The following TMEM131 variants were observed in gnomAD, a reference collection of about 807,000 sequenced individuals.
The protein encoded by TMEM131 is transmembrane protein 131, also known as 2610524E03Rik.
TMEM131 carries 66 observed loss-of-function variants against 211.6 expected under a neutral mutation model. That is an observed-to-expected ratio of 0.31 (90% CI 0.26 to 0.38). The LOEUF is 0.38. Among genes scored for constraint, TMEM131 ranks in the 10% least tolerant of loss-of-function variants. TMEM131 has a pLI of 1.00. For missense variants in TMEM131, 2,036 were observed against 2,299.3 expected (o/e 0.89, Z 2.34); for synonymous variants, 844 against 841.3 (o/e 1.00, Z -0.06).
chr2:97,938,282 C>T (rs1677543896), intron 1 of TMEM131, among the ~76,000 whole-genome samples: 1 of 152,042 alleles, frequency 6.6e-6, no homozygotes, highest in African/African-American at 2.4e-5. Context: ...TTCAGGAAAC[C>T]CATCTCACCT....
intron 1 of TMEM131, among the ~76,000 whole-genome samples, chr2:97,952,468 C>T (rs771061439): frequency 9.2e-5 from 14 of 152,148 alleles, no homozygotes; most frequent in Non-Finnish European, 1.9e-4. Flanking sequence ...AAAAATGACA[C>T]ATTACCTATA....
At chr2:97,817,755 T>C (rs1401420554) in intron 12 of TMEM131, among the ~76,000 whole-genome samples, 2 of 152,122 alleles carry the variant, frequency 1.3e-5, no homozygotes, top group Non-Finnish European at 2.9e-5. Flanking sequence ...TCATAAACAC[T>C]GTGTGAAGTG....
At chr2:97,957,514 T>C (rs926767062) in intron 1 of TMEM131, among the ~76,000 whole-genome samples, 1 of 152,154 alleles carries the variant, frequency 6.6e-6, no homozygotes, top group African/African-American at 2.4e-5. Context: ...TGCTGACCAC[T>C]GACTATAAAC....
intron 1 of TMEM131, among the ~76,000 whole-genome samples, chr2:97,980,875 G>A (rs1224755612): frequency 2.0e-5 from 3 of 151,514 alleles, no homozygotes; most frequent in Non-Finnish European, 4.4e-5. Context: ...GAAAATTACA[G>A]TGACACATAA....
At chr2:97,772,456 GGATT>G in intron 32 of TMEM131, 32 bp from the exon 33 acceptor site, 1 of 1,588,432 alleles carries the variant, frequency 6.3e-7, no homozygotes, top group Non-Finnish European at 8.5e-7. Flanking sequence ...TTGCTGAGAA[GGATT>G]AATAAAATGA....
chr2:97,909,046 C>T (rs1249261187), intron 2 of TMEM131, among the ~76,000 whole-genome samples: 1 of 152,136 alleles, frequency 6.6e-6, no homozygotes, highest in African/African-American at 2.4e-5. Flanking sequence ...TGTCATGGAA[C>T]TCAAGGTACA....
At chr2:97,977,831 T>C (rs1008405226) in intron 1 of TMEM131, among the ~76,000 whole-genome samples, 1 of 152,114 alleles carries the variant, frequency 6.6e-6, no homozygotes, top group Admixed American at 6.5e-5. Context: ...CTCATGCCTA[T>C]AATCCCAGCA....
At chr2:97,759,415 G>A (rs1414891917) in intron 39 of TMEM131, 9 of 534,534 alleles carry the variant, frequency 1.7e-5, no homozygotes, top group Non-Finnish European at 2.7e-5. Flanking sequence ...TTCAATACCC[G>A]CCATGGAACT....
At chr2:97,851,779 C>A (rs889446664) in intron 5 of TMEM131, among the ~76,000 whole-genome samples, 3 of 152,198 alleles carry the variant, frequency 2.0e-5, no homozygotes, top group African/African-American at 7.2e-5. Flanking sequence ...CATTGCTCCA[C>A]CAACTGCTGT....
chr2:97,851,494 C>T (rs1247241955), intron 5 of TMEM131, among the ~76,000 whole-genome samples: 3 of 152,172 alleles, frequency 2.0e-5, no homozygotes, highest in Non-Finnish European at 4.4e-5. Flanking sequence ...TACTGCACTT[C>T]GCAGGTACTG....
At chr2:97,903,690 T>C (rs574837248) in intron 3 of TMEM131, among the ~76,000 whole-genome samples, 1 of 151,196 alleles carries the variant, frequency 6.6e-6, no homozygotes, top group Admixed American at 6.6e-5. Context: ...TGTTTGTTTA[T>C]TTATTTATTT....
chr2:97,914,192 C>T (rs958849436), intron 2 of TMEM131, among the ~76,000 whole-genome samples: 1 of 152,266 alleles, frequency 6.6e-6, no homozygotes, highest in East Asian at 1.9e-4. Context: ...CTGTGCTTCT[C>T]TGTGTGTATG....
At chr2:97,909,849 G>A (rs190776771) in intron 2 of TMEM131, among the ~76,000 whole-genome samples, 49 of 152,212 alleles carry the variant, frequency 3.2e-4, no homozygotes, top group African/African-American at 8.7e-4. Context: ...GGTAATAACC[G>A]TTGAGTCTGG....
rs1682973735 is a variant in TMEM131 at position 97,837,080 on chromosome 2, C to T, written c.801G>A (p.Leu267=). The T allele has an allele frequency of 6.2e-7, 1 of 1,612,534 alleles. No individual in the cohort carries two copies. Among genetic ancestry groups the T allele is most frequent in the Non-Finnish European group, 8.5e-7 (1 of 1,179,192 alleles). ...PTGQQGGTRK[L]WEIPPYETKG... is the part of the protein sequence containing the mutation. ...AGAAAACTAGGTTACAACTCACCCACAGTTTTCTGGTACCTCCTTGTTGAC... is the reference window on the plus strand; with the variant it reads ...AGAAAACTAGGTTACAACTCACCCATAGTTTTCTGGTACCTCCTTGTTGAC... Residue 267 remains leucine (L), a synonymous_variant, in exon 8 of 41, where the codon CTG becomes CTA. Transcript: ENST00000186436.
Position 97,966,320 on chromosome 2 carries a change from T to C in TMEM131, c.187+29156A>G, listed in dbSNP as rs1472680305. On this transcript the variant is annotated intron_variant, in intron 1 of 40. Coordinates refer to ENST00000186436, the MANE Select transcript of TMEM131 (RefSeq NM_015348.2). ...TTAACAGAGTCTGGAAGGGACAATT[T>C]CTCCCTAAATTACCTAATACATTAC... Among the ~76,000 whole-genome samples the C allele has an allele frequency of 3.3e-5, 5 of 152,026 alleles. No homozygotes were observed. The South Asian group carries it at 6.2e-4, about 19-fold the overall frequency.
intron 19 of TMEM131, among the ~76,000 whole-genome samples, chr2:97,806,263 A>G (rs6543109): frequency 0.75 from 114,324 of 152,210 alleles, 44,624 homozygotes; most frequent in African/African-American, 0.87. Flanking sequence ...CAAGCTGGGC[A>G]CAGTGGCTCA....
chr2:97,786,098 G>T (rs1680237777), intron 31 of TMEM131, among the ~76,000 whole-genome samples: 1 of 152,148 alleles, frequency 6.6e-6, no homozygotes, highest in Non-Finnish European at 1.5e-5. Flanking sequence ...TCTGTGTCTT[G>T]GCTGTATCAG....
intron 4 of TMEM131, among the ~76,000 whole-genome samples, chr2:97,872,596 C>T (rs1014560544): frequency 4.6e-5 from 7 of 152,040 alleles, no homozygotes; most frequent in Non-Finnish European, 1.0e-4. Context: ...CCACGGAGGG[C>T]GAGCCGAAGC....
intron 5 of TMEM131, among the ~76,000 whole-genome samples, 200 bp downstream of exon 5, chr2:97,859,104 C>T (rs1673963923): frequency 6.6e-6 from 1 of 152,146 alleles, no homozygotes; most frequent in African/African-American, 2.4e-5. Context: ...AGGTTCACTG[C>T]TGATTTGTTA....
Sources: gnomAD v4.1 joint callset for allele counts (sites outside exome capture counted in the v4.1 genomes callset) on GRCh38, gnomAD v4.1.1 for gene constraint, MANE v1.5 for transcripts, NCBI Gene and HGNC (gene_info 2026-07-23, HGNC 2026-07-21) for gene names.